The following ROBO1 variants were observed in gnomAD, a reference collection of about 807,000 sequenced individuals.
ROBO1 encodes roundabout guidance receptor 1.
In ROBO1, 149 loss-of-function variants were observed where a neutral mutation model predicts 195.9. The observed-to-expected ratio is 0.76, with a 90% CI of 0.67 to 0.87. ROBO1 has a LOEUF of 0.87. Among genes scored for constraint, ROBO1 ranks in the 40% least tolerant of loss-of-function variants. The pLI, the probability that ROBO1 is intolerant of heterozygous loss-of-function variation, is 0.00. For synonymous variants in ROBO1, 816 were observed against 733.2 expected (o/e 1.11, Z -1.82); for missense variants, 1,933 against 2,068.3 (o/e 0.93, Z 1.27).
At chr3:79,210,933 G>T (rs116521686) in intron 2 of ROBO1, among the ~76,000 whole-genome samples, 1 of 151,968 alleles carries the variant, frequency 6.6e-6, no homozygotes, top group African/African-American at 2.4e-5. Flanking sequence ...TCATGAAAAA[G>T]ATTTCAAGCA....
chr3:79,573,770 C>T (rs552836839), intron 2 of ROBO1, among the ~76,000 whole-genome samples: 21 of 152,268 alleles, frequency 1.4e-4, no homozygotes, highest in South Asian at 4.1e-4. Context: ...ATTAAAATTA[C>T]CTTAACTCTT....
At chr3:78,866,764 T>C (rs1359869297) in intron 4 of ROBO1, among the ~76,000 whole-genome samples, 2 of 152,182 alleles carry the variant, frequency 1.3e-5, no homozygotes, top group Non-Finnish European at 2.9e-5. Context: ...ATAGTGATAG[T>C]TCATATAAGG....
At chr3:78,666,039 C>T (rs960975236) in intron 14 of ROBO1, among the ~76,000 whole-genome samples, 1 of 152,024 alleles carries the variant, frequency 6.6e-6, no homozygotes, top group Non-Finnish European at 1.5e-5. Context: ...TGCTGCTGTT[C>T]TCGTGATAGT....
chr3:78,986,784 G>A (rs1342846154), intron 3 of ROBO1, among the ~76,000 whole-genome samples: 5 of 152,036 alleles, frequency 3.3e-5, no homozygotes, highest in African/African-American at 9.7e-5. Context: ...GTTGACGGGG[G>A]AAAAAAGCTT....
At chr3:79,256,992 C>T (rs1323724782) in intron 2 of ROBO1, among the ~76,000 whole-genome samples, 2 of 152,134 alleles carry the variant, frequency 1.3e-5, no homozygotes, top group Admixed American at 6.6e-5. Flanking sequence ...TATACCTAAA[C>T]ACAGTCTTAC....
At chr3:79,600,081 G>A (rs1157312695) in intron 1 of ROBO1, among the ~76,000 whole-genome samples, 1 of 151,926 alleles carries the variant, frequency 6.6e-6, no homozygotes, top group Non-Finnish European at 1.5e-5. Context: ...CACTAGCTCA[G>A]TCAGATGAAT....
intron 3 of ROBO1, among the ~76,000 whole-genome samples, chr3:79,109,153 G>GT (rs920344271): frequency 4.7e-4 from 69 of 148,376 alleles, no homozygotes; most frequent in East Asian, 1.6e-3. Flanking sequence ...GGGTCTTAAA[G>GT]TTTTTTTTTT....
At chr3:78,994,526 C>T (rs1162917506) in intron 3 of ROBO1, among the ~76,000 whole-genome samples, 1 of 152,114 alleles carries the variant, frequency 6.6e-6, no homozygotes, top group African/African-American at 2.4e-5. Context: ...GTATTTAAAT[C>T]TCAGCAATGT....
intron 3 of ROBO1, among the ~76,000 whole-genome samples, chr3:78,960,779 A>AACACACACACAAAAAC (rs2041293016): frequency 8.0e-6 from 1 of 124,514 alleles, no homozygotes; most frequent in South Asian, 3.0e-4. Flanking sequence ...TCCGTATTAA[A>AACACACACACAAAAAC]ACACACACAC....
At chr3:79,437,180 A>G (rs941204573) in intron 2 of ROBO1, among the ~76,000 whole-genome samples, 5 of 152,196 alleles carry the variant, frequency 3.3e-5, no homozygotes, top group African/African-American at 1.2e-4. Flanking sequence ...TGATACAGAT[A>G]AAAGACCATA....
chr3:79,706,102 T>G (rs1221190477), intron 1 of ROBO1, among the ~76,000 whole-genome samples: 1 of 152,100 alleles, frequency 6.6e-6, no homozygotes, highest in Non-Finnish European at 1.5e-5. Flanking sequence ...ATGTCTGTCA[T>G]CTGTTGTATT....
intron 1 of ROBO1, among the ~76,000 whole-genome samples, chr3:79,748,158 A>T (rs1703955771): frequency 6.6e-6 from 1 of 152,158 alleles, no homozygotes; most frequent in Non-Finnish European, 1.5e-5. Flanking sequence ...AATAACAAAT[A>T]GTAGAATACA....
At chr3:78,992,997 C>A (rs1437485086) in intron 3 of ROBO1, among the ~76,000 whole-genome samples, 15 of 152,112 alleles carry the variant, frequency 9.9e-5, no homozygotes. Flanking sequence ...GGCAGAAAAG[C>A]TGAACAATAT....
intron 2 of ROBO1, among the ~76,000 whole-genome samples, chr3:79,575,828 A>T (rs1447199875): frequency 6.6e-6 from 1 of 151,712 alleles, no homozygotes; most frequent in Non-Finnish European, 1.5e-5. Flanking sequence ...TAGTCTAAAA[A>T]TATATCACAG....
At chr3:78,664,480 C>A (rs1274937254) in intron 14 of ROBO1, among the ~76,000 whole-genome samples, 1 of 152,146 alleles carries the variant, frequency 6.6e-6, no homozygotes, top group Non-Finnish European at 1.5e-5. Context: ...GCCACAATGA[C>A]CACCACCCCT....
chr3:79,185,188 C>A (rs2081415743), intron 2 of ROBO1, among the ~76,000 whole-genome samples: 1 of 152,152 alleles, frequency 6.6e-6, no homozygotes, highest in African/African-American at 2.4e-5. Context: ...AGATAACTGT[C>A]TGAGAAGGGA....
intron 4 of ROBO1, among the ~76,000 whole-genome samples, chr3:78,835,746 A>G (rs899367253): frequency 3.3e-5 from 5 of 152,142 alleles, no homozygotes; most frequent in African/African-American, 9.7e-5. Context: ...TCTACATCTC[A>G]ATGTAGTAAG....
At chr3:79,530,331 A>C (rs767570098) in intron 2 of ROBO1, among the ~76,000 whole-genome samples, 6 of 152,112 alleles carry the variant, frequency 3.9e-5, no homozygotes, top group South Asian at 2.1e-4. Flanking sequence ...AATATATATC[A>C]TCAGCCAATA....
At chr3:78,975,601 G>C (rs989789272) in intron 3 of ROBO1, among the ~76,000 whole-genome samples, 5 of 151,954 alleles carry the variant, frequency 3.3e-5, no homozygotes, top group African/African-American at 7.3e-5. Context: ...TGAAAGATAA[G>C]GTAGAAAAGA....
Sources: allele counts gnomAD v4.1 joint callset (sites outside exome capture counted in the v4.1 genomes callset), GRCh38; gene constraint gnomAD v4.1.1; transcripts MANE v1.5; gene names NCBI Gene and HGNC (gene_info 2026-07-23, HGNC 2026-07-21).